Variants in TNFSF4 observed in about 807,000 individuals in gnomAD.
TNFSF4 encodes TNF superfamily member 4, also known as tumor necrosis factor ligand superfamily member 4.
TNFSF4 carries 4 observed loss-of-function variants against 7.3 expected under a neutral mutation model. The ratio of observed to expected loss-of-function variants is 0.55; its 90% CI spans 0.27 to 1.25. The LOEUF is 1.25. TNFSF4 is among the 50% of genes most tolerant of loss of function. The probability of loss-of-function intolerance (pLI) is 0.12; values close to 1 mark genes in which losing one functional copy is unlikely to be tolerated. For synonymous variants in TNFSF4, 76 were observed against 83.7 expected (o/e 0.91, Z 0.50); for missense variants, 181 against 208.8 (o/e 0.87, Z 0.82).
chr1:173,243,734 C>T, the TNFSF4 span, among the ~76,000 whole-genome samples: 1 of 152,310 alleles, frequency 6.6e-6, no homozygotes, highest in Admixed American at 6.5e-5. Context: ...ATCTCTGCTT[C>T]TTCTCTCTTT....
the TNFSF4 span, among the ~76,000 whole-genome samples, chr1:173,303,697 C>T: frequency 6.6e-6 from 1 of 151,954 alleles, no homozygotes; most frequent in East Asian, 1.9e-4. Flanking sequence ...AAACCTTTCC[C>T]CAGAGATAAT....
the TNFSF4 span, among the ~76,000 whole-genome samples, chr1:173,406,893 G>GGTGAAA: frequency 1.3e-5 from 2 of 152,180 alleles, no homozygotes; most frequent in African/African-American, 2.4e-5. Context: ...GTGGCCGTGG[G>GGTGAAA]GTGAAAGTGA....
chr1:173,207,097 A>G lies in TNFSF4; in HGVS notation c.80T>C (p.Val27Ala), dbSNP rs1392456036. ...CCCCAGTCCCTGAATTACAGAGGCC[A>G]CCAGCAATAGCTTGTTCCTCTCGAA... ...PRFERNKLLL[V>A]ASVIQGLGLL... The change falls in exon 1 of 3, where the codon GTG becomes GCG. Residue 27 changes from valine (V) to alanine (A), a missense_variant. Transcript: ENST00000281834. 4 of 1,613,784 alleles carry G rather than the reference A, an allele frequency of 2.5e-6. No individual in the cohort carries two copies. Among genetic ancestry groups the G allele is most frequent in the Non-Finnish European group, 3.4e-6 (4 of 1,179,896 alleles).
chr1:173,378,886 AC>A, the TNFSF4 span, among the ~76,000 whole-genome samples: 5 of 121,832 alleles, frequency 4.1e-5, no homozygotes, highest in Non-Finnish European at 9.2e-5. Context: ...CTCCCCCCCC[AC>A]CACAGGCTAT....
the TNFSF4 span, among the ~76,000 whole-genome samples, chr1:173,256,966 G>A: frequency 6.6e-6 from 1 of 152,226 alleles, no homozygotes; most frequent in African/African-American, 2.4e-5. Context: ...GAAGATTTGG[G>A]TGGATAAGCA....
chr1:173,233,697 T>A, the TNFSF4 span, among the ~76,000 whole-genome samples: 1 of 152,208 alleles, frequency 6.6e-6, no homozygotes. Flanking sequence ...AGGGAAATAG[T>A]CGCTGAATTA....
At chr1:173,260,994 A>G in the TNFSF4 span, among the ~76,000 whole-genome samples, 1 of 152,214 alleles carries the variant, frequency 6.6e-6, no homozygotes, top group Non-Finnish European at 1.5e-5. Context: ...TGGACCTGTT[A>G]GATGGCTACA....
the TNFSF4 span, among the ~76,000 whole-genome samples, chr1:173,332,785 G>A: frequency 6.6e-6 from 1 of 151,984 alleles, no homozygotes; most frequent in Admixed American, 6.6e-5. Flanking sequence ...AACCCGGGAG[G>A]CAGTAAGCCA....
At chr1:173,355,014 T>TA in the TNFSF4 span, among the ~76,000 whole-genome samples, 1 of 152,356 alleles carries the variant, frequency 6.6e-6, no homozygotes, top group African/African-American at 2.4e-5. Flanking sequence ...AACCTATGCG[T>TA]AGTTGGGAGC....
the TNFSF4 span, among the ~76,000 whole-genome samples, chr1:173,436,157 G>A: frequency 2.0e-5 from 3 of 152,156 alleles, no homozygotes; most frequent in African/African-American, 7.2e-5. Context: ...CAGACACTGA[G>A]ACAAGGATTC....
chr1:173,244,044 C>A, the TNFSF4 span, among the ~76,000 whole-genome samples: 1 of 152,164 alleles, frequency 6.6e-6, no homozygotes, highest in African/African-American at 2.4e-5. Flanking sequence ...GTTTTCTTCT[C>A]CTGATCTTGT....
the TNFSF4 span, among the ~76,000 whole-genome samples, chr1:173,176,100 G>C: frequency 1.3e-5 from 2 of 152,310 alleles, no homozygotes; most frequent in South Asian, 4.1e-4. Context: ...GTATCAAAAA[G>C]TTGTGGACAG....
chr1:173,333,849 C>T, the TNFSF4 span, among the ~76,000 whole-genome samples: 154 of 152,216 alleles, frequency 1.0e-3, no homozygotes, highest in African/African-American at 3.4e-3. Flanking sequence ...CTTAAGTCTG[C>T]TGGCCACTGG....
the TNFSF4 span, among the ~76,000 whole-genome samples, chr1:173,325,875 C>T: frequency 6.6e-6 from 1 of 151,984 alleles, no homozygotes; most frequent in African/African-American, 2.4e-5. Context: ...CAATAATTAA[C>T]AGCTTACCAA....
the TNFSF4 span, among the ~76,000 whole-genome samples, chr1:173,248,585 AAAG>A: frequency 2.6e-5 from 4 of 152,294 alleles, no homozygotes; most frequent in South Asian, 6.2e-4. Context: ...AGAAAAGAAA[AAAG>A]AAGTTTCACA....
the TNFSF4 span, among the ~76,000 whole-genome samples, chr1:173,322,572 C>T: frequency 0.048 from 7,242 of 152,182 alleles, 462 homozygotes; most frequent in African/African-American, 0.15. Context: ...TGTGCATGAG[C>T]TGAAGCAGGG....
chr1:173,273,125 C>T, the TNFSF4 span, among the ~76,000 whole-genome samples: 3 of 152,132 alleles, frequency 2.0e-5, no homozygotes, highest in East Asian at 1.9e-4. Flanking sequence ...TGGTCTGCCA[C>T]GGTGGGCTTC....
the TNFSF4 span, among the ~76,000 whole-genome samples, chr1:173,347,047 T>A: frequency 6.6e-6 from 1 of 152,334 alleles, no homozygotes; most frequent in East Asian, 1.9e-4. Flanking sequence ...GCTAATTGAC[T>A]TTATCCAGAG....
the TNFSF4 span, among the ~76,000 whole-genome samples, chr1:173,349,261 C>A: frequency 5.3e-5 from 8 of 152,270 alleles, no homozygotes; most frequent in Admixed American, 2.0e-4. Flanking sequence ...ATCTCCCGAC[C>A]TCATGATCTG....
Sources: gnomAD v4.1 joint callset for allele counts (sites outside exome capture counted in the v4.1 genomes callset) on GRCh38, gnomAD v4.1.1 for gene constraint, MANE v1.5 for transcripts, NCBI Gene and HGNC (gene_info 2026-07-23, HGNC 2026-07-21) for gene names.